PRKG2: variants seen among roughly 807,000 people sequenced by gnomAD.
PRKG2 encodes cGMP-dependent protein kinase 2.
In PRKG2, 33 loss-of-function variants were observed where a neutral mutation model predicts 97.2. The observed-to-expected ratio is 0.34, with a 90% CI of 0.26 to 0.45. PRKG2 has a LOEUF of 0.45. Among genes scored for constraint, PRKG2 ranks in the 20% least tolerant of loss-of-function variants. The pLI is 1.00. For synonymous variants in PRKG2, 330 were observed against 321.8 expected (o/e 1.03, Z -0.27); for missense variants, 638 against 900.0 (o/e 0.71, Z 3.73).
chr4:81,161,754 T>C (rs1005178373), intron 6 of PRKG2, among the ~76,000 whole-genome samples: 26 of 152,284 alleles, frequency 1.7e-4, no homozygotes, highest in African/African-American at 6.3e-4. Flanking sequence ...GCTGCATCTC[T>C]CTGACCCCAA....
chr4:81,089,285 C>T lies in PRKG2; in HGVS notation c.*423G>A, dbSNP rs190024128. 6.5e-6 allele frequency: 1 copy of T among 153,192 alleles called. No individual in the cohort carries two copies. Among genetic ancestry groups the T allele is most frequent in the African/African-American group, 2.4e-5 (1 of 41,590 alleles). The allele number at this position is 153,192 out of a possible 1,614,324, so 9.5% of individuals were successfully genotyped here. ...TATGAAGTTGCTGAGAGCTGGGGAG[C>T]TCTCCAAAATTCACCATTGTTTTTC... On this transcript the variant is annotated 3_prime_UTR_variant, in exon 19 of 19. Coordinates refer to ENST00000264399, the MANE Select transcript of PRKG2 (RefSeq NM_006259.3).
At chr4:81,162,619 G>T (rs17005067) in intron 6 of PRKG2, among the ~76,000 whole-genome samples, 6,780 of 152,148 alleles carry the variant, frequency 0.045, 545 homozygotes, top group African/African-American at 0.15. Context: ...TATTTGGCGT[G>T]TCTTTGCCTC....
intron 1 of PRKG2, among the ~76,000 whole-genome samples, chr4:81,213,288 A>G (rs1208164974): frequency 2.0e-5 from 3 of 152,196 alleles, no homozygotes. Context: ...GAATGTCTCT[A>G]TTGTTACCTA....
intron 2 of PRKG2, among the ~76,000 whole-genome samples, chr4:81,197,226 T>C (rs2110120631): frequency 6.6e-6 from 1 of 152,162 alleles, no homozygotes; most frequent in Non-Finnish European, 1.5e-5. Context: ...CCTTCCTGGG[T>C]ATCTAGCAAG....
intron 14 of PRKG2, among the ~76,000 whole-genome samples, chr4:81,130,710 G>A (rs562747295): frequency 1.2e-4 from 18 of 152,290 alleles, no homozygotes; most frequent in African/African-American, 3.4e-4. Flanking sequence ...AATCTAGAGA[G>A]GCAGTCTGGC....
At chr4:81,107,124 C>A (rs982361587) in intron 15 of PRKG2, among the ~76,000 whole-genome samples, 1 of 152,066 alleles carries the variant, frequency 6.6e-6, no homozygotes, top group African/African-American at 2.4e-5. Context: ...GGCCTTGTTG[C>A]AGTTATTTCC....
At chr4:81,204,437 T>C in intron 2 of PRKG2, 150 bp downstream of exon 2, 1 of 860,804 alleles carries the variant, frequency 1.2e-6, no homozygotes, top group Non-Finnish European at 1.8e-6. Context: ...GGAGATTTTT[T>C]TGCAAAACAA....
intron 14 of PRKG2, among the ~76,000 whole-genome samples, chr4:81,131,936 A>C (rs1746222556): frequency 6.6e-6 from 1 of 152,102 alleles, no homozygotes; most frequent in Admixed American, 6.5e-5. Flanking sequence ...TTGCATTTCT[A>C]TGTAAATTTT....
chr4:81,135,813 T>C (rs1301645963), intron 13 of PRKG2, among the ~76,000 whole-genome samples: 3 of 152,098 alleles, frequency 2.0e-5, no homozygotes, highest in African/African-American at 7.2e-5. Flanking sequence ...CAGCACTGTG[T>C]GTAGTTTTAC....
At chr4:81,151,408 T>A (rs981394380) in intron 8 of PRKG2, among the ~76,000 whole-genome samples, 2 of 152,132 alleles carry the variant, frequency 1.3e-5, no homozygotes, top group Admixed American at 6.5e-5. Context: ...CTTTTAAAAA[T>A]ATTTCTTCCA....
intron 2 of PRKG2, among the ~76,000 whole-genome samples, chr4:81,176,682 T>G (rs10005912): frequency 0.22 from 33,872 of 152,164 alleles, 7,099 homozygotes; most frequent in African/African-American, 0.53. Context: ...TAAGCAACTT[T>G]GGAAATTTAA....
chr4:81,156,673 CT>C (rs753957457), intron 6 of PRKG2, among the ~76,000 whole-genome samples: 5 of 152,058 alleles, frequency 3.3e-5, no homozygotes, highest in Non-Finnish European at 7.4e-5. Context: ...TGACCACATA[CT>C]TGGAAGTAAA....
At chr4:81,215,471 A>G (rs571143320), upstream of PRKG2, among the ~76,000 whole-genome samples, 228 of 152,068 alleles carry the variant, frequency 1.5e-3, no homozygotes, top group Non-Finnish European at 2.8e-3. Flanking sequence ...TGTTCATGTT[A>G]TTATTTCTAT....
chr4:81,110,443 C>A lies in PRKG2; in HGVS notation c.1940+5G>T. On this transcript the variant is annotated splice_donor_5th_base_variant and intron_variant, in intron 15 of 18. Coordinates refer to ENST00000264399, the MANE Select transcript of PRKG2 (RefSeq NM_006259.3). ...GGTGGCTGCATAAAACTTGAAGGTA[C>A]ATACTTGCCCGTTAGGAGCTCATAC... The A allele has an allele frequency of 6.2e-7, 1 of 1,610,002 alleles. No individual in the cohort carries two copies. The highest frequency in any genetic ancestry group is 8.5e-7 in the Non-Finnish European group (1 of 1,178,688).
intron 2 of PRKG2, chr4:81,192,355 T>C (rs912652951): frequency 5.3e-5 from 8 of 152,204 alleles, no homozygotes; most frequent in African/African-American, 1.4e-4. Context: ...AAGGTGCTAG[T>C]AATGTTTATT....
chr4:81,149,602 A>T (rs1319863825), intron 8 of PRKG2, among the ~76,000 whole-genome samples: 2 of 152,150 alleles, frequency 1.3e-5, no homozygotes, highest in Non-Finnish European at 2.9e-5. Context: ...ATATGATCCA[A>T]TGGTAGCAAA....
chr4:81,191,678 T>C (rs1430937477), intron 2 of PRKG2, among the ~76,000 whole-genome samples: 1 of 152,120 alleles, frequency 6.6e-6, no homozygotes, highest in Non-Finnish European at 1.5e-5. Context: ...TGACAACAGT[T>C]GTACTACAGA....
intron 11 of PRKG2, among the ~76,000 whole-genome samples, chr4:81,142,228 A>T (rs1295808847): frequency 6.6e-6 from 1 of 152,224 alleles, no homozygotes; most frequent in Non-Finnish European, 1.5e-5. Flanking sequence ...AGATATCCTG[A>T]TCAACACTAC....
Position 81,174,965 on chromosome 4 carries a change from A to G in PRKG2, c.462-6T>C. 6.3e-7 allele frequency: 1 copy of G among 1,591,418 alleles called. No individual in the cohort carries two copies. Among genetic ancestry groups the G allele is most frequent in the South Asian group, 1.2e-5 (1 of 86,790 alleles). On this transcript the variant is annotated splice_region_variant and splice_polypyrimidine_tract_variant and intron_variant, in intron 2 of 18. Transcript: ENST00000264399. The stretch of plus-strand genomic sequence containing the variant: ...CTGTAATGAGCTTCTTCTCACTGGT[A>G]TAATGGAAAAGAGATGTTAGTTACA...
Sources: gnomAD v4.1 joint callset for allele counts (sites outside exome capture counted in the v4.1 genomes callset) on GRCh38, gnomAD v4.1.1 for gene constraint, MANE v1.5 for transcripts, NCBI Gene and HGNC (gene_info 2026-07-23, HGNC 2026-07-21) for gene names.